POLR3B: variants seen among roughly 807,000 people sequenced by gnomAD.
The protein encoded by POLR3B is DNA-directed RNA polymerase III subunit RPC2.
POLR3B carries 96 observed loss-of-function variants against 147.4 expected under a neutral mutation model. That is an observed-to-expected ratio of 0.65 (90% CI 0.55 to 0.77). POLR3B has a LOEUF of 0.77. Among genes scored for constraint, POLR3B ranks in the 30% least tolerant of loss-of-function variants. POLR3B has a pLI of 0.00. For missense variants in POLR3B, 1,036 were observed against 1,413.5 expected, an observed-to-expected ratio of 0.73 and a Z score of 4.28; for synonymous variants, 461 against 485.9, an observed-to-expected ratio of 0.95 and a Z score of 0.67.
At chr12:106,499,946 GT>G (rs1430832221) in intron 25 of POLR3B, 1 of 353,392 alleles carries the variant, frequency 2.8e-6, no homozygotes, top group African/African-American at 2.1e-5. Flanking sequence ...TGTGTCTGTT[GT>G]TTCCTTTACT....
chr12:106,389,554 CATCCCTTATCTGAA>C (rs2036886157), intron 9 of POLR3B, among the ~76,000 whole-genome samples: 1 of 151,972 alleles, frequency 6.6e-6, no homozygotes, highest in South Asian at 2.1e-4. Context: ...ACAGGTTGAG[CATCCCTTATCTGAA>C]ATGCTTGGGA....
At chr12:106,413,012 C>A (rs1402805733) in intron 12 of POLR3B, among the ~76,000 whole-genome samples, 1 of 151,940 alleles carries the variant, frequency 6.6e-6, no homozygotes, top group Non-Finnish European at 1.5e-5. Context: ...TGTAGGAGTT[C>A]TTGGTATATT....
intron 4 of POLR3B, among the ~76,000 whole-genome samples, chr12:106,368,630 T>G (rs954421320): frequency 3.3e-5 from 5 of 152,214 alleles, no homozygotes; most frequent in African/African-American, 7.2e-5. Flanking sequence ...GTAGGATTTG[T>G]GCACTGTCGT....
rs531496270 is a variant in POLR3B at position 106,451,638 on chromosome 12, G to T, written c.2084-2864G>T. On this transcript the variant is annotated intron_variant, in intron 19 of 27. Coordinates refer to ENST00000228347, the MANE Select transcript of POLR3B (RefSeq NM_018082.6). ...CTCTGTTATTTAAAAAAAGGCGGGG[G>T]GGGAGGAGAGGGGAGGGAAGGAGAG... Among the ~76,000 whole-genome samples, 6 of 136,974 alleles carry T rather than the reference G, an allele frequency of 4.4e-5. No homozygotes were observed. The East Asian group carries it at 1.4e-3, about 31-fold the overall frequency. 89.9% of individuals were successfully genotyped at this position (136,974 alleles called of 152,430 possible). A position where few individuals can be genotyped will look rare whatever the true frequency, so the allele number is the denominator to read the frequency against.
At position 106,457,118 on chromosome 12, in the gene POLR3B, C is replaced by A. The variant is rs2037875173; in HGVS notation, c.2294-20C>A. 3 of 1,608,206 alleles carry A rather than the reference C, an allele frequency of 1.9e-6. No individual in the cohort carries two copies. The highest frequency in any genetic ancestry group is 2.6e-6 in the Non-Finnish European group (3 of 1,174,916). On this transcript the variant is annotated intron_variant, in intron 20 of 27. Coordinates refer to ENST00000228347, the MANE Select transcript of POLR3B (RefSeq NM_018082.6). ...TTTGGGTTACTGGTGGTTCTAATGC[C>A]CATCTTGGTTTCATTTTAGGCTTTG...
chr12:106,409,346 G>GTTTTTTTTTTTTTTTT (rs138257827), intron 11 of POLR3B, among the ~76,000 whole-genome samples: 1 of 67,470 alleles, frequency 1.5e-5, no homozygotes, highest in Non-Finnish European at 2.6e-5. Flanking sequence ...TTGTAAGAGG[G>GTTTTTTTTTTTTTTTT]TTTTTTTTGT....
In POLR3B at chr12:106,470,704, A is replaced by G. The variant is rs530019522; in HGVS notation, c.2713+7084A>G. Among the ~76,000 whole-genome samples the G allele has an allele frequency of 9.2e-4, 140 of 152,322 alleles. 2 individuals are homozygous for G. The highest frequency in any genetic ancestry group is 4.8e-3 in the Admixed American group (74 of 15,294). On this transcript the variant is annotated intron_variant, in intron 23 of 27. Coordinates refer to ENST00000228347, the MANE Select transcript of POLR3B (RefSeq NM_018082.6). The stretch of plus-strand genomic sequence containing the variant: ...TCTGTTTGTTAGTTGTCATTCTAAC[A>G]GACAGGCCTGTCAGCTGCAGGTCTG...
At chr12:106,390,578 A>G (rs1289369928) in intron 9 of POLR3B, among the ~76,000 whole-genome samples, 2 of 152,022 alleles carry the variant, frequency 1.3e-5, no homozygotes, top group African/African-American at 4.8e-5. Flanking sequence ...GAAATCGTGT[A>G]ATTTTTAAAT....
At chr12:106,384,317 G>A (rs2036805091) in intron 9 of POLR3B, among the ~76,000 whole-genome samples, 1 of 152,194 alleles carries the variant, frequency 6.6e-6, no homozygotes. Context: ...TGTCGTATTA[G>A]TTATCAAGCA....
intron 23 of POLR3B, among the ~76,000 whole-genome samples, chr12:106,478,542 A>T (rs1046116724): frequency 6.6e-6 from 1 of 151,956 alleles, no homozygotes; most frequent in Non-Finnish European, 1.5e-5. Flanking sequence ...ATCCAAGGGT[A>T]AAAACCTTCT....
chr12:106,466,895 A>G (rs955647598), intron 23 of POLR3B, among the ~76,000 whole-genome samples: 1 of 152,180 alleles, frequency 6.6e-6, no homozygotes, highest in African/African-American at 2.4e-5. Context: ...TGATGCCTCC[A>G]GCTTTGTTCT....
At chr12:106,461,774 A>G (rs2037940462) in intron 22 of POLR3B, among the ~76,000 whole-genome samples, 1 of 151,954 alleles carries the variant, frequency 6.6e-6, no homozygotes. Flanking sequence ...GGCCCTCCCT[A>G]TCAGTCTAAT....
chr12:106,370,700 T>G, intron 6 of POLR3B, among the ~76,000 whole-genome samples: 1 of 151,270 alleles, frequency 6.6e-6, no homozygotes, highest in East Asian at 1.9e-4. Flanking sequence ...GGCATGATGT[T>G]GGCTCACTGC....
At chr12:106,415,942 A>C (rs2037296482) in intron 12 of POLR3B, among the ~76,000 whole-genome samples, 1 of 152,098 alleles carries the variant, frequency 6.6e-6, no homozygotes, top group African/African-American at 2.4e-5. Context: ...GAGACACTCT[A>C]TGCATATACA....
intron 19 of POLR3B, among the ~76,000 whole-genome samples, chr12:106,445,011 C>T (rs2037702751): frequency 6.6e-6 from 1 of 152,146 alleles, no homozygotes; most frequent in South Asian, 2.1e-4. Flanking sequence ...CTAGTAATTG[C>T]CTGATTGACA....
chr12:106,379,343 TG>T (rs1478612571), intron 8 of POLR3B, among the ~76,000 whole-genome samples: 1 of 152,258 alleles, frequency 6.6e-6, no homozygotes, highest in Non-Finnish European at 1.5e-5. Flanking sequence ...TATGAGGCAC[TG>T]GAATGTGCAG....
At chr12:106,493,421 T>TTC (rs1348916288) in intron 23 of POLR3B, among the ~76,000 whole-genome samples, 1 of 152,192 alleles carries the variant, frequency 6.6e-6, no homozygotes, top group Non-Finnish European at 1.5e-5. Context: ...ATAAGTCTGG[T>TTC]TCTAAGATTG....
chr12:106,416,703 C>T (rs980070546), intron 12 of POLR3B, among the ~76,000 whole-genome samples: 2 of 152,134 alleles, frequency 1.3e-5, no homozygotes, highest in African/African-American at 4.8e-5. Context: ...CTTCCCCTTC[C>T]CCTGAAACTC....
In POLR3B at chr12:106,447,963, G is replaced by A. The variant is rs542926323; in HGVS notation, c.2083+3373G>A. On this transcript the variant is annotated intron_variant, in intron 19 of 27. Coordinates refer to ENST00000228347, the MANE Select transcript of POLR3B (RefSeq NM_018082.6). The stretch of plus-strand genomic sequence containing the variant: ...AGTAGGCTGAGATGCACTAGAAATA[G>A]GCTGGAGAATTTTGAGACACTAAAA... Among the ~76,000 whole-genome samples the A allele has an allele frequency of 1.5e-3, 233 of 152,254 alleles. 1 individual carries two copies. The highest frequency in any genetic ancestry group is 5.3e-3 in the African/African-American group (221 of 41,546).
Sources: gnomAD v4.1 joint callset for allele counts (sites outside exome capture counted in the v4.1 genomes callset) on GRCh38, gnomAD v4.1.1 for gene constraint, MANE v1.5 for transcripts, NCBI Gene and HGNC (gene_info 2026-07-23, HGNC 2026-07-21) for gene names.